EPB41: variants seen among roughly 807,000 people sequenced by gnomAD.
EPB41 encodes protein 4.1.
A neutral mutation model predicts 108.0 loss-of-function variants in EPB41; 65 were observed. That is an observed-to-expected ratio of 0.60 (90% CI 0.49 to 0.74). The LOEUF is 0.74. EPB41 is among the 30% of genes least tolerant of loss of function. The pLI is 0.00. For synonymous variants in EPB41, 336 were observed against 358.9 expected, an observed-to-expected ratio of 0.94 and a Z score of 0.72; for missense variants, 875 against 1,037.0, an observed-to-expected ratio of 0.84 and a Z score of 2.15.
rs2092454977 is a variant in EPB41 at position 28,914,677 on chromosome 1, G to A, written c.-99G>A. 6.6e-6 allele frequency: 1 copy of A among 152,120 alleles called. No homozygotes were observed. Among genetic ancestry groups the A allele is most frequent in the South Asian group, 2.0e-4 (1 of 5,002 alleles). 9.4% of individuals were successfully genotyped at this position (152,120 alleles called of 1,614,324 possible). On this transcript the variant is annotated 5_prime_UTR_variant, in exon 1 of 21. Transcript: ENST00000343067. The stretch of plus-strand genomic sequence containing the variant: ...AGCCGGCGGGCCCGCGAGCCGCAGA[G>A]GGCCCGAGCCTCGGACGCCGGCGCC...
At chr1:28,918,428 C>G (rs1229824173) in intron 1 of EPB41, among the ~76,000 whole-genome samples, 1 of 152,136 alleles carries the variant, frequency 6.6e-6, no homozygotes, top group Non-Finnish European at 1.5e-5. Context: ...TCATTGCTAC[C>G]TCTATATTTG....
At chr1:29,110,071 C>T (rs756830532) in intron 18 of EPB41, among the ~76,000 whole-genome samples, 32 of 150,892 alleles carry the variant, frequency 2.1e-4, no homozygotes, top group Admixed American at 1.8e-3. Context: ...GTGGTGTAAT[C>T]ACACCTGTAA....
At chr1:29,038,830 A>C (rs1479121169) in intron 10 of EPB41, among the ~76,000 whole-genome samples, 1 of 152,342 alleles carries the variant, frequency 6.6e-6, no homozygotes, top group East Asian at 1.9e-4. Flanking sequence ...AGTGCATTTG[A>C]CAAAACTGTC....
intron 1 of EPB41, among the ~76,000 whole-genome samples, chr1:28,908,363 C>T (rs959680281): frequency 2.0e-5 from 3 of 149,974 alleles, no homozygotes; most frequent in African/African-American, 7.4e-5. Flanking sequence ...GATTGTGCCA[C>T]TGCACTCCAG....
At chr1:28,930,271 C>T (rs376773479) in intron 1 of EPB41, among the ~76,000 whole-genome samples, 3 of 149,450 alleles carry the variant, frequency 2.0e-5, no homozygotes, top group Admixed American at 6.7e-5. Context: ...ATCCTACCGC[C>T]GCAGCCTTCT....
chr1:29,049,165 A>G (rs1432768073), intron 11 of EPB41, among the ~76,000 whole-genome samples: 1 of 152,232 alleles, frequency 6.6e-6, no homozygotes, highest in African/African-American at 2.4e-5. Flanking sequence ...AAACTGGTTC[A>G]GATCCCAGTT....
At chr1:29,051,561 T>C (rs1430210894) in intron 11 of EPB41, among the ~76,000 whole-genome samples, 2 of 152,166 alleles carry the variant, frequency 1.3e-5, no homozygotes, top group Non-Finnish European at 2.9e-5. Context: ...TGCAGGAAAG[T>C]CTATAATAAA....
rs536176425 is a variant in EPB41 at position 29,099,278 on chromosome 1, A to G, written c.2313+1343A>G. 3.2e-4 allele frequency among the ~76,000 whole-genome samples: 49 copies of G among 150,940 alleles called. 1 individual carries two copies. The highest frequency in any genetic ancestry group is 2.8e-3 in the East Asian group (14 of 5,074). On this transcript the variant is annotated intron_variant, in intron 17 of 20. Transcript: ENST00000343067. ...ATTGCTCCACTGCATTAAAAAAAAAAAAAAAAAAGAAGAAGAAGAAGAGAT... is the reference window on the plus strand; with the variant it reads ...ATTGCTCCACTGCATTAAAAAAAAAGAAAAAAAAGAAGAAGAAGAAGAGAT...
intron 4 of EPB41, among the ~76,000 whole-genome samples, chr1:29,009,423 GTTAGTAGAAA>G (rs2096463778): frequency 6.6e-6 from 1 of 152,164 alleles, no homozygotes; most frequent in African/African-American, 2.4e-5. Flanking sequence ...CCTATGTCAA[GTTAGTAGAAA>G]TTCTCGCACA....
chr1:28,989,411 G>A, intron 2 of EPB41: 1 of 980,164 alleles, frequency 1.0e-6, no homozygotes, highest in Non-Finnish European at 1.2e-6. Context: ...TGAAGCATGT[G>A]AATATTATCT....
At chr1:29,037,974 C>T (rs923952917) in intron 10 of EPB41, among the ~76,000 whole-genome samples, 1 of 152,134 alleles carries the variant, frequency 6.6e-6, no homozygotes, top group Admixed American at 6.6e-5. Flanking sequence ...TATCCCTATC[C>T]ACTCCTTCCC....
intron 1 of EPB41, among the ~76,000 whole-genome samples, chr1:28,966,715 G>A (rs1436158815): frequency 6.6e-6 from 1 of 152,290 alleles, no homozygotes; most frequent in South Asian, 2.1e-4. Context: ...AGCAGGCCTC[G>A]TGGCATCTGG....
chr1:29,070,192 T>TA (rs1431619830), intron 16 of EPB41: 28 of 432,668 alleles, frequency 6.5e-5, no homozygotes, highest in Non-Finnish European at 1.0e-4. Context: ...CCTATTGTGT[T>TA]ACAGAAACTT....
At chr1:28,940,686 A>G (rs1439790569) in intron 1 of EPB41, among the ~76,000 whole-genome samples, 1 of 152,140 alleles carries the variant, frequency 6.6e-6, no homozygotes, top group Non-Finnish European at 1.5e-5. Context: ...CTTGGAAATC[A>G]AGTCTGTTGG....
chr1:28,906,162 G>A (rs1441807622), intron 1 of EPB41, among the ~76,000 whole-genome samples: 1 of 152,142 alleles, frequency 6.6e-6, no homozygotes, highest in Non-Finnish European at 1.5e-5. Flanking sequence ...CCCAGTCACC[G>A]GAAGTCTTGG....
At chr1:29,069,629 T>A in intron 16 of EPB41, 1 of 199,684 alleles carries the variant, frequency 5.0e-6, no homozygotes, top group Non-Finnish European at 9.3e-6. Context: ...TGAAGAGATA[T>A]AAGGATTACT....
At chr1:29,013,583 A>G (rs2096536962) in intron 5 of EPB41, among the ~76,000 whole-genome samples, 1 of 151,970 alleles carries the variant, frequency 6.6e-6, no homozygotes, top group East Asian at 1.9e-4. Context: ...CTGGAGTACA[A>G]TGGTGTGATT....
chr1:28,930,869 T>C (rs1325518296), intron 1 of EPB41, among the ~76,000 whole-genome samples: 2 of 152,214 alleles, frequency 1.3e-5, no homozygotes, highest in African/African-American at 4.8e-5. Context: ...AATCCTGTGG[T>C]ATATTGTACC....
At chr1:28,890,865 C>T (rs376208291) in intron 1 of EPB41, 2 of 959,832 alleles carry the variant, frequency 2.1e-6, no homozygotes, top group Admixed American at 1.2e-4. Flanking sequence ...AGCCTCCACC[C>T]CACGGGTACT....
Sources: allele counts gnomAD v4.1 joint callset (sites outside exome capture counted in the v4.1 genomes callset), GRCh38; gene constraint gnomAD v4.1.1; transcripts MANE v1.5; gene names NCBI Gene and HGNC (gene_info 2026-07-23, HGNC 2026-07-21).